PSMG2: variants seen among roughly 807,000 people sequenced by gnomAD.
PSMG2 encodes the protein proteasome assembly chaperone 2, also known as CD40 ligand-activated specific transcript 3.
Under a neutral mutation model 31.5 loss-of-function variants are expected in PSMG2, and 21 were observed. The observed-to-expected ratio is 0.67, with a 90% CI of 0.47 to 0.96. PSMG2 has a LOEUF of 0.96. Among genes scored for constraint, PSMG2 ranks in the 40% least tolerant of loss-of-function variants. PSMG2 has a pLI of 0.00. For synonymous variants in PSMG2, 120 were observed against 110.4 expected (o/e 1.09, Z -0.54); for missense variants, 318 against 321.2 (o/e 0.99, Z 0.08).
At position 12,673,708 on chromosome 18, in the gene PSMG2, C is replaced by T. The variant is rs146390170; in HGVS notation, c.-37+14935C>T. Among the ~76,000 whole-genome samples, 1,457 of 152,052 alleles carry T rather than the reference C, an allele frequency of 9.6e-3. 25 individuals are homozygous for T. The highest frequency in any genetic ancestry group is 0.034 in the African/African-American group (1,399 of 41,488). ...CAGCTTGGCCAACATAGTGAAACCC[C>T]GCCTCTACTAAAAATTACAAAAATT... On this transcript the variant is annotated intron_variant, in intron 1 of 6. Coordinates refer to the PSMG2 transcript ENST00000585331.
chr18:12,676,894 G>C (rs1460019615), intron 1 of PSMG2, among the ~76,000 whole-genome samples: 1 of 152,140 alleles, frequency 6.6e-6, no homozygotes, highest in Non-Finnish European at 1.5e-5. Context: ...AAAGAACACA[G>C]AAAACAGGGC....
chr18:12,689,135 T>G (rs1007006789), intron 1 of PSMG2, among the ~76,000 whole-genome samples: 1 of 151,732 alleles, frequency 6.6e-6, no homozygotes, highest in Admixed American at 6.6e-5. Flanking sequence ...AAAAGTTCTT[T>G]ACTTTACTTT....
intron 1 of PSMG2, among the ~76,000 whole-genome samples, chr18:12,666,117 G>A (rs771031642): frequency 1.4e-5 from 2 of 142,956 alleles, no homozygotes; most frequent in Admixed American, 7.4e-5. Flanking sequence ...AGAAGTTCAA[G>A]ACCAGACTGA....
chr18:12,722,939 A>C (rs375837776), intron 5 of PSMG2, among the ~76,000 whole-genome samples: 1 of 152,202 alleles, frequency 6.6e-6, no homozygotes, highest in East Asian at 1.9e-4. Context: ...ATCACAGCAG[A>C]CGCATTTAGG....
At position 12,717,081 on chromosome 18, in the gene PSMG2, C is replaced by T. The variant is rs112756528; in HGVS notation, c.289-1436C>T. Among the ~76,000 whole-genome samples, 1,391 of 151,400 alleles carry T rather than the reference C, an allele frequency of 9.2e-3. 24 individuals carry two copies. The highest frequency in any genetic ancestry group is 0.032 in the African/African-American group (1,325 of 41,250). ...CCTCCCACCTCAGCCTCCTGAGTAC[C>T]TGGGGCTACAGACGTGCACTACCAT... is the stretch of plus-strand genomic sequence containing the variant. On this transcript the variant is annotated intron_variant, in intron 3 of 6. Coordinates refer to ENST00000317615, the MANE Select transcript of PSMG2 (RefSeq NM_020232.5).
intron 1 of PSMG2, among the ~76,000 whole-genome samples, chr18:12,663,890 C>T (rs1267403882): frequency 6.6e-6 from 1 of 152,180 alleles, no homozygotes; most frequent in African/African-American, 2.4e-5. Context: ...CCCAGCTGGG[C>T]ACAGTGGTTT....
intron 1 of PSMG2, among the ~76,000 whole-genome samples, chr18:12,694,337 T>C (rs1001235469): frequency 6.6e-6 from 1 of 151,938 alleles, no homozygotes; most frequent in Non-Finnish European, 1.5e-5. Flanking sequence ...GAGTAAAGGG[T>C]GGTGTATGTA....
At chr18:12,722,519 A>G (rs1421077529) in intron 5 of PSMG2, among the ~76,000 whole-genome samples, 1 of 152,178 alleles carries the variant, frequency 6.6e-6, no homozygotes, top group African/African-American at 2.4e-5. Flanking sequence ...TCTTGGGTAT[A>G]GGGTGAAACT....
chr18:12,724,794 CTAT>C (rs1454968240), intron 6 of PSMG2, 175 bp downstream of exon 6: 90 of 615,742 alleles, frequency 1.5e-4, no homozygotes, highest in Non-Finnish European at 2.0e-4. Flanking sequence ...GTTAACCAAC[CTAT>C]TATTTACAGT....
At chr18:12,702,661 G>A, upstream of PSMG2, 2 of 1,253,978 alleles carry the variant, frequency 1.6e-6, no homozygotes, top group South Asian at 2.9e-5. Context: ...CGCCGCAGCC[G>A]TTCGCCTAGC....
At chr18:12,712,373 A>G (rs987168352) in intron 2 of PSMG2, among the ~76,000 whole-genome samples, 14 of 152,202 alleles carry the variant, frequency 9.2e-5, no homozygotes, top group African/African-American at 3.4e-4. Flanking sequence ...AGTTTTCTTA[A>G]GGATGATTTT....
At chr18:12,702,343 G>C (rs1170428135), upstream of PSMG2, 6 of 640,136 alleles carry the variant, frequency 9.4e-6, no homozygotes, top group African/African-American at 1.9e-5. Flanking sequence ...CAAACTCAAA[G>C]CTCTGCCTAC....
chr18:12,676,827 G>A (rs2039151768), intron 1 of PSMG2, among the ~76,000 whole-genome samples: 1 of 152,138 alleles, frequency 6.6e-6, no homozygotes, highest in African/African-American at 2.4e-5. Flanking sequence ...CCAAAGCTAA[G>A]AGTAACTGGG....
chr18:12,720,777 G>A, intron 5 of PSMG2, 94 bp downstream of exon 5: 2 of 1,281,892 alleles, frequency 1.6e-6, no homozygotes, highest in African/African-American at 1.5e-5. Flanking sequence ...TCTAGCCTGG[G>A]TGACAGAGCA....
intron 1 of PSMG2, chr18:12,673,646 G>GA (rs2039011033): frequency 1.8e-6 from 1 of 542,086 alleles, no homozygotes; most frequent in East Asian, 4.1e-5. Context: ...TTGGGAGGCC[G>GA]AGACAGGTGG....
chr18:12,709,888 A>G (rs536241707), intron 2 of PSMG2, among the ~76,000 whole-genome samples: 1 of 151,316 alleles, frequency 6.6e-6, no homozygotes, highest in African/African-American at 2.4e-5. Context: ...CACCCGCCTC[A>G]GCCTCCCAAA....
chr18:12,697,548 C>CA (rs756795766), intron 1 of PSMG2: 1 of 610,820 alleles, frequency 1.6e-6, no homozygotes, highest in Non-Finnish European at 2.7e-6. Flanking sequence ...AGAAAGCATG[C>CA]AAAAAACTGG....
chr18:12,700,011 G>T, upstream of PSMG2: 1 of 576,022 alleles, frequency 1.7e-6, no homozygotes, highest in Non-Finnish European at 2.9e-6. Context: ...AACAGGGTAA[G>T]GCCCTTTCAA....
At chr18:12,663,696 A>C (rs1341337025) in intron 1 of PSMG2, among the ~76,000 whole-genome samples, 1 of 152,206 alleles carries the variant, frequency 6.6e-6, no homozygotes, top group Non-Finnish European at 1.5e-5. Flanking sequence ...TTCAGACTGA[A>C]TCACACTTTG....
Sources: gnomAD v4.1 joint callset for allele counts (sites outside exome capture counted in the v4.1 genomes callset) on GRCh38, gnomAD v4.1.1 for gene constraint, MANE v1.5 for transcripts, NCBI Gene and HGNC (gene_info 2026-07-23, HGNC 2026-07-21) for gene names.